Variants in GALNT17 observed in about 807,000 individuals in gnomAD.
The protein encoded by GALNT17 is polypeptide N-acetylgalactosaminyltransferase 17.
In GALNT17, 29 loss-of-function variants were observed where a neutral mutation model predicts 63.7. That is an observed-to-expected ratio of 0.46 (90% confidence interval 0.34 to 0.62). The LOEUF (loss-of-function observed/expected upper bound fraction) is 0.62. Ranked by LOEUF, GALNT17 falls within the 20% of genes least tolerant of loss-of-function variation. GALNT17 has a pLI of 0.01. For missense variants in GALNT17, 603 were observed against 799.6 expected (o/e 0.75, Z 2.97); for synonymous variants, 305 against 318.3 (o/e 0.96, Z 0.45).
At chr7:71,231,389 C>A (rs1789785683) in intron 1 of GALNT17, among the ~76,000 whole-genome samples, 1 of 152,052 alleles carries the variant, frequency 6.6e-6, no homozygotes, top group African/African-American at 2.4e-5. Context: ...TGCAACATGG[C>A]AGGCGATTTG....
chr7:71,254,778 C>T (rs1375852746), intron 1 of GALNT17, among the ~76,000 whole-genome samples: 2 of 152,140 alleles, frequency 1.3e-5, no homozygotes, highest in African/African-American at 4.8e-5. Context: ...CATGAAAGCC[C>T]ACAGGATTTG....
intron 1 of GALNT17, among the ~76,000 whole-genome samples, chr7:71,156,776 G>A (rs1416684092): frequency 6.7e-6 from 1 of 149,990 alleles, no homozygotes; most frequent in Admixed American, 6.7e-5. Flanking sequence ...CAGGAGTGCA[G>A]TGGTGCAATC....
chr7:71,547,613 G>A (rs940872289), intron 5 of GALNT17, among the ~76,000 whole-genome samples: 3 of 152,060 alleles, frequency 2.0e-5, no homozygotes, highest in African/African-American at 4.8e-5. Flanking sequence ...ACTTAAGCCC[G>A]GCCTCTGGTT....
chr7:71,679,274 G>A (rs1024546134), intron 9 of GALNT17, among the ~76,000 whole-genome samples: 2 of 152,012 alleles, frequency 1.3e-5, no homozygotes, highest in Admixed American at 6.6e-5. Context: ...TGAGTTGGGC[G>A]TGGTGGCACA....
At chr7:71,237,876 T>C (rs1431922109) in intron 1 of GALNT17, among the ~76,000 whole-genome samples, 1 of 152,112 alleles carries the variant, frequency 6.6e-6, no homozygotes, top group East Asian at 1.9e-4. Flanking sequence ...TGTGGACTGG[T>C]GGACTAGATC....
intron 5 of GALNT17, among the ~76,000 whole-genome samples, chr7:71,546,182 A>T (rs1273659481): frequency 2.1e-5 from 3 of 145,982 alleles, no homozygotes; most frequent in Non-Finnish European, 3.0e-5. Context: ...TTTTTTTGAG[A>T]TAGCATCTCA....
chr7:71,384,572 C>G (rs1314171458), intron 2 of GALNT17, among the ~76,000 whole-genome samples: 2 of 152,198 alleles, frequency 1.3e-5, no homozygotes, highest in Non-Finnish European at 2.9e-5. Flanking sequence ...GCCCAGAGAA[C>G]ACGGACCTTC....
intron 5 of GALNT17, among the ~76,000 whole-genome samples, chr7:71,442,400 C>T (rs1787084410): frequency 6.6e-6 from 1 of 152,060 alleles, no homozygotes; most frequent in African/African-American, 2.4e-5. Context: ...GGGGTTTCAC[C>T]GTGTTAGCCA....
intron 2 of GALNT17, among the ~76,000 whole-genome samples, chr7:71,385,472 G>T (rs780694145): frequency 6.6e-6 from 1 of 152,208 alleles, no homozygotes; most frequent in Non-Finnish European, 1.5e-5. Context: ...CAGGACTTTT[G>T]CAAGGCCTAG....
intron 6 of GALNT17, among the ~76,000 whole-genome samples, chr7:71,611,757 C>T (rs1008569630): frequency 1.3e-5 from 2 of 151,882 alleles, no homozygotes; most frequent in African/African-American, 4.8e-5. Context: ...TTGGACAAAG[C>T]GGAAGACCAT....
intron 6 of GALNT17, among the ~76,000 whole-genome samples, chr7:71,661,740 C>T (rs1724642576): frequency 6.6e-6 from 1 of 152,188 alleles, no homozygotes; most frequent in African/African-American, 2.4e-5. Flanking sequence ...ACCTTCAAGA[C>T]ATCTGCTATT....
chr7:71,616,943 G>GTA (rs1790219016), intron 6 of GALNT17, among the ~76,000 whole-genome samples: 1 of 9,886 alleles, frequency 1.0e-4, no homozygotes, highest in South Asian at 6.5e-3. Flanking sequence ...ATATCATATG[G>GTA]TTAATAATTA....
intron 5 of GALNT17, among the ~76,000 whole-genome samples, chr7:71,526,477 T>C (rs1336826863): frequency 6.6e-6 from 1 of 152,164 alleles, no homozygotes; most frequent in Non-Finnish European, 1.5e-5. Flanking sequence ...TTTACTGACA[T>C]GGTTACATGG....
rs146480375 is a variant in GALNT17 at position 71,475,548 on chromosome 7, T to C, written c.962+54443T>C. On this transcript the variant is annotated intron_variant, in intron 5 of 10. Coordinates refer to ENST00000333538, the MANE Select transcript of GALNT17 (RefSeq NM_022479.3). Reference sequence around the variant, plus strand: ...GGTGGAGCTCAATCAGTAATGGGAGTGGTGGGGAGCAGCTGTAAATGCAGA... The same window carrying C: ...GGTGGAGCTCAATCAGTAATGGGAGCGGTGGGGAGCAGCTGTAAATGCAGA... Among the ~76,000 whole-genome samples the C allele has an allele frequency of 5.9e-4, 90 of 152,060 alleles. 1 individual carries two copies. Among genetic ancestry groups the C allele is most frequent in the African/African-American group, 2.0e-3 (85 of 41,474 alleles).
chr7:71,507,070 A>G (rs1469906308), intron 5 of GALNT17, among the ~76,000 whole-genome samples: 1 of 152,150 alleles, frequency 6.6e-6, no homozygotes, highest in Non-Finnish European at 1.5e-5. Flanking sequence ...CCCCATATTT[A>G]CAAAACAACT....
At position 71,201,239 on chromosome 7, in the gene GALNT17, T is replaced by TATATATATATATATATATATATATA. The variant is rs1554338078; in HGVS notation, c.238+68199_238+68200insATATATATATATATATATATATATA. Among the ~76,000 whole-genome samples the TATATATATATATATATATATATATA allele has an allele frequency of 1.2e-3, 123 of 101,548 alleles. 3 individuals are homozygous for TATATATATATATATATATATATATA. The highest frequency in any genetic ancestry group is 4.8e-3 in the Middle Eastern group (1 of 210). 66.6% of individuals were successfully genotyped at this position (101,548 alleles called of 152,430 possible). ...TTTGTATGGGGGTGTGTGTGTTTAT[T>TATATATATATATATATATATATATA]TTTATATATATATATATAATTTGTG... On this transcript the variant is annotated intron_variant, in intron 1 of 10. Transcript: ENST00000333538.
intron 6 of GALNT17, among the ~76,000 whole-genome samples, chr7:71,655,864 G>A (rs1458784377): frequency 6.6e-6 from 1 of 152,074 alleles, no homozygotes; most frequent in Non-Finnish European, 1.5e-5. Flanking sequence ...TTTGGGAAGA[G>A]ACTCAAATCT....
rs535882072 is a variant in GALNT17, at chr7:71,314,417, T to A, written c.239-21133T>A. On this transcript the variant is annotated intron_variant, in intron 1 of 10. Transcript: ENST00000333538. ...ATAAATGAGAGAGAAAGAGAGGGTG[T>A]TAGAACTGGATAATGACTCAACAGA... Among the ~76,000 whole-genome samples the A allele has an allele frequency of 1.1e-3, 164 of 152,150 alleles. 1 individual carries two copies. The highest frequency in any genetic ancestry group is 1.0e-4 in the Non-Finnish European group (7 of 67,994).
chr7:71,475,673 C>A (rs530584735), intron 5 of GALNT17, among the ~76,000 whole-genome samples: 377 of 152,212 alleles, frequency 2.5e-3, no homozygotes, highest in Middle Eastern at 6.8e-3. Flanking sequence ...GGGTTGGGGT[C>A]CCCTGCTTTA....
Sources: gnomAD v4.1 joint callset for allele counts (sites outside exome capture counted in the v4.1 genomes callset) on GRCh38, gnomAD v4.1.1 for gene constraint, MANE v1.5 for transcripts, NCBI Gene and HGNC (gene_info 2026-07-23, HGNC 2026-07-21) for gene names.